The following ROR2 variants were observed in gnomAD, a reference collection of about 807,000 sequenced individuals.
ROR2 encodes the protein ROR family WNT receptor 2.
In ROR2, 33 loss-of-function variants were observed where a neutral mutation model predicts 74.9. The observed-to-expected ratio is 0.44, with a 90% CI of 0.33 to 0.59. ROR2 has a LOEUF of 0.59. Among genes scored for constraint, ROR2 ranks in the 20% least tolerant of loss-of-function variants. The probability of loss-of-function intolerance (pLI) is 0.02; values close to 1 mark genes in which losing one functional copy is unlikely to be tolerated. For missense variants in ROR2, 1,216 were observed against 1,313.8 expected (o/e 0.93, Z 1.15); for synonymous variants, 586 against 558.7 (o/e 1.05, Z -0.69).
chr9:91,822,747 G>A (rs1427751441), intron 1 of ROR2, among the ~76,000 whole-genome samples: 2 of 152,190 alleles, frequency 1.3e-5, no homozygotes, highest in African/African-American at 4.8e-5. Context: ...TGGCTTTTCA[G>A]AGGAGTGGGA....
At chr9:91,859,569 T>A (rs887129343) in intron 1 of ROR2, among the ~76,000 whole-genome samples, 4 of 152,080 alleles carry the variant, frequency 2.6e-5, no homozygotes, top group South Asian at 4.1e-4. Context: ...ACGCCTGTAA[T>A]CCCAGCACTT....
At chr9:91,914,580 G>C (rs540231466) in intron 1 of ROR2, among the ~76,000 whole-genome samples, 1 of 152,160 alleles carries the variant, frequency 6.6e-6, no homozygotes, top group Non-Finnish European at 1.5e-5. Flanking sequence ...GGCCGCTCCA[G>C]GGATCACACC....
intron 1 of ROR2, among the ~76,000 whole-genome samples, chr9:91,945,912 A>G (rs181812209): frequency 4.2e-4 from 64 of 152,308 alleles, no homozygotes; most frequent in African/African-American, 1.4e-3. Flanking sequence ...TGCTAGAAAA[A>G]GGCGGCTGCT....
chr9:91,766,823 A>G lies in ROR2; in HGVS notation c.175+8918T>C, dbSNP rs565028728. Among the ~76,000 whole-genome samples, 235 of 152,230 alleles carry G rather than the reference A, an allele frequency of 1.5e-3. 1 individual carries two copies. The highest frequency in any genetic ancestry group is 5.5e-3 in the African/African-American group (229 of 41,536). ...TCACTTGGATTTGGGCAGCACTCAC[A>G]CTCCATAGCGTTACACAGAACAGAA... On this transcript the variant is annotated intron_variant, in intron 2 of 8. Coordinates refer to ENST00000375708, the MANE Select transcript of ROR2 (RefSeq NM_004560.4).
chr9:91,804,702 C>A (rs550023775), intron 1 of ROR2, among the ~76,000 whole-genome samples: 1 of 152,320 alleles, frequency 6.6e-6, no homozygotes, highest in African/African-American at 2.4e-5. Context: ...TAGGGCCAAT[C>A]TTTAGAGATG....
chr9:91,765,934 T>A (rs1826046050), intron 2 of ROR2, among the ~76,000 whole-genome samples: 1 of 152,218 alleles, frequency 6.6e-6, no homozygotes, highest in African/African-American at 2.4e-5. Flanking sequence ...TTTCTCCTAG[T>A]CCCTCATTTC....
At chr9:91,751,802 A>G (rs1453669875) in intron 4 of ROR2, among the ~76,000 whole-genome samples, 1 of 152,218 alleles carries the variant, frequency 6.6e-6, no homozygotes, top group Admixed American at 6.5e-5. Flanking sequence ...GACCGTATCT[A>G]ACTGGTTACA....
intron 1 of ROR2, among the ~76,000 whole-genome samples, chr9:91,889,046 A>G (rs1422174393): frequency 1.3e-5 from 2 of 152,190 alleles, no homozygotes; most frequent in East Asian, 3.8e-4. Flanking sequence ...CATTTGGAAG[A>G]GAGACCGTGT....
In ROR2 at chr9:91,723,548, C is replaced by T; in HGVS notation, c.*114G>A. On this transcript the variant is annotated 3_prime_UTR_variant, in exon 9 of 9. Coordinates refer to ENST00000375708, the MANE Select transcript of ROR2 (RefSeq NM_004560.4). ...ACCTCACCCAGTCTGCAAACAAGCCCACTGGCCGGCGGGCTCTTGTGATTG... is the reference window on the plus strand; with the variant it reads ...ACCTCACCCAGTCTGCAAACAAGCCTACTGGCCGGCGGGCTCTTGTGATTG... 6.8e-7 allele frequency: 1 copy of T among 1,466,378 alleles called. No homozygotes were observed. Among genetic ancestry groups the T allele is most frequent in the South Asian group, 1.3e-5 (1 of 76,616 alleles). The allele number at this position is 1,466,378 out of a possible 1,614,324, so 90.8% of individuals were successfully genotyped here.
intron 1 of ROR2, among the ~76,000 whole-genome samples, chr9:91,934,223 T>C (rs1389746732): frequency 6.6e-6 from 1 of 152,208 alleles, no homozygotes; most frequent in Non-Finnish European, 1.5e-5. Context: ...TTTTGGTTTT[T>C]TCTTGTTTTT....
intron 1 of ROR2, among the ~76,000 whole-genome samples, chr9:91,803,671 C>T (rs996434462): frequency 2.0e-5 from 3 of 152,222 alleles, no homozygotes; most frequent in Admixed American, 1.3e-4. Flanking sequence ...CATGGACATA[C>T]ACGGATGTGT....
At chr9:91,923,719 C>T (rs972933409) in intron 1 of ROR2, 2 of 152,226 alleles carry the variant, frequency 1.3e-5, no homozygotes, top group African/African-American at 4.8e-5. Context: ...TGCAATTTTA[C>T]CAAAGTGCTT....
Position 91,775,770 on chromosome 9 carries a change from C to G in ROR2, c.146G>C (p.Gly49Ala). 1 of 1,614,164 alleles carries G rather than the reference C, an allele frequency of 6.2e-7. No homozygotes were observed. Among genetic ancestry groups the G allele is most frequent in the Non-Finnish European group, 8.5e-7 (1 of 1,180,026 alleles). ...CAGAGTTGGAATCGGGCCGTCCTGC[C>G]CATCAAGGGGTCCTAAAGGGTCGTT... ...DPNDPLGPLD[G>A]QDGPIPTLKG... The change falls in exon 2 of 9, where the codon GGG becomes GCG. Residue 49 changes from glycine to alanine, a missense_variant. Coordinates refer to ENST00000375708, the MANE Select transcript of ROR2 (RefSeq NM_004560.4).
At chr9:91,820,854 C>A (rs999442907) in intron 1 of ROR2, among the ~76,000 whole-genome samples, 7 of 152,138 alleles carry the variant, frequency 4.6e-5, no homozygotes, top group African/African-American at 1.7e-4. Flanking sequence ...GTAATCCCAG[C>A]GCTTTGGGAG....
chr9:91,793,910 G>C (rs112921817), intron 1 of ROR2, among the ~76,000 whole-genome samples: 26 of 152,340 alleles, frequency 1.7e-4, no homozygotes, highest in African/African-American at 6.3e-4. Flanking sequence ...GAAGGGCTGG[G>C]AGTCGGATAC....
intron 1 of ROR2, among the ~76,000 whole-genome samples, chr9:91,927,522 T>G (rs1352573468): frequency 6.6e-6 from 1 of 151,076 alleles, no homozygotes; most frequent in African/African-American, 2.4e-5. Context: ...CCGTACCCTA[T>G]CTCTGTGCCC....
chr9:91,722,906 C>A lies in ROR2; in HGVS notation c.*756G>T, dbSNP rs746834375. 1.0e-5 allele frequency: 4 copies of A among 397,536 alleles called. No individual in the cohort carries two copies. The highest frequency in any genetic ancestry group is 3.6e-5 in the Admixed American group (1 of 27,634). The allele number at this position is 397,536 out of a possible 1,614,324, so 24.6% of individuals were successfully genotyped here. A position where few individuals can be genotyped will look rare whatever the true frequency, so the allele number is the denominator to read the frequency against. On this transcript the variant is annotated 3_prime_UTR_variant, in exon 9 of 9. Coordinates refer to ENST00000375708, the MANE Select transcript of ROR2 (RefSeq NM_004560.4). ...TGATTCTTAACAAAAATAACAATAC[C>A]GTGTTCTGTACAATACTGCTTCCTC... is the stretch of plus-strand genomic sequence containing the variant.
At chr9:91,879,642 G>A (rs548271026) in intron 1 of ROR2, among the ~76,000 whole-genome samples, 2 of 152,180 alleles carry the variant, frequency 1.3e-5, no homozygotes, top group African/African-American at 4.8e-5. Flanking sequence ...GAGGTCAGCT[G>A]GGCCTTGGAA....
chr9:91,792,521 G>T (rs1827032699), intron 1 of ROR2, among the ~76,000 whole-genome samples: 1 of 152,152 alleles, frequency 6.6e-6, no homozygotes, highest in Non-Finnish European at 1.5e-5. Flanking sequence ...TGTTAGCCAA[G>T]ATGGTCTCGA....
Sources: allele counts gnomAD v4.1 joint callset (sites outside exome capture counted in the v4.1 genomes callset), GRCh38; gene constraint gnomAD v4.1.1; transcripts MANE v1.5; gene names NCBI Gene and HGNC (gene_info 2026-07-23, HGNC 2026-07-21).